The following DCX variants were observed in gnomAD, a reference collection of about 807,000 sequenced individuals.
The protein encoded by DCX is doublecortin, also known as neuronal migration protein doublecortin.
In DCX, 4 loss-of-function variants were observed where a neutral mutation model predicts 20.9. That is an observed-to-expected ratio of 0.19 (90% CI 0.09 to 0.44). The LOEUF (loss-of-function observed/expected upper bound fraction) is 0.44. DCX is among the 20% of genes least tolerant of loss of function. DCX has a pLI of 0.99. For synonymous variants in DCX, 103 were observed against 111.4 expected (o/e 0.92, Z 0.47); for missense variants, 133 against 296.9 (o/e 0.45, Z 4.06).
intron 3 of DCX, among the ~76,000 whole-genome samples, chrX:111,369,317 C>A (rs1437174652): frequency 9.0e-6 from 1 of 111,154 alleles, no homozygotes; most frequent in Non-Finnish European, 1.9e-5. Flanking sequence ...TCAGTATTAA[C>A]CATCACATAC....
At chrX:111,325,502 C>A (rs2095097666) in intron 5 of DCX, among the ~76,000 whole-genome samples, 1 of 111,730 alleles carries the variant, frequency 9.0e-6, no homozygotes, top group Non-Finnish European at 1.9e-5. Context: ...ATTCATAGTG[C>A]AATTATGAGG....
Position 111,299,496 on chromosome X carries a change from A to C in DCX, c.*2191T>G, listed in dbSNP as rs1230136264. The C allele has an allele frequency of 1.8e-5, 2 of 111,321 alleles. No individual in the cohort carries two copies. The highest frequency in any genetic ancestry group is 3.8e-5 in the Non-Finnish European group (2 of 53,107). The allele number at this position is 111,321 out of a possible 1,213,427, so 9.2% of individuals were successfully genotyped here. A position where few individuals can be genotyped will look rare whatever the true frequency, so the allele number is the denominator to read the frequency against. ...CAACTTAAAATAAAGGTGATGGACT[A>C]AATGAGACCTAAAGTGAGACTATGG... On this transcript the variant is annotated 3_prime_UTR_variant, in exon 7 of 7. Coordinates refer to ENST00000636035, the MANE Select transcript of DCX (RefSeq NM_001195553.2).
chrX:111,340,791 C>A lies in DCX; in HGVS notation c.706-7638G>T, dbSNP rs141220486. On this transcript the variant is annotated intron_variant, in intron 3 of 6. Coordinates refer to ENST00000636035, the MANE Select transcript of DCX (RefSeq NM_001195553.2). ...AGACAGCTACCCTACAGAAGAGGGA[C>A]CTGACCATTGAAAGAAAAACAAACA... Among the ~76,000 whole-genome samples the A allele has an allele frequency of 3.2e-4, 36 of 111,238 alleles. No homozygotes were observed. The East Asian group carries it at 9.7e-3, about 30-fold the overall frequency.
chrX:111,303,119 T>G (rs1378378633), intron 6 of DCX, among the ~76,000 whole-genome samples: 6 of 107,260 alleles, frequency 5.6e-5, no homozygotes, highest in Non-Finnish European at 7.7e-5. Context: ...ACAGAGTCCC[T>G]CTCTGTCACC....
chrX:111,301,467 T>C lies in DCX; in HGVS notation c.*220A>G. 1 of 454,326 alleles carries C rather than the reference T, an allele frequency of 2.2e-6. No individual in the cohort carries two copies. The highest frequency in any genetic ancestry group is 4.0e-6 in the Non-Finnish European group (1 of 253,086). 37.4% of individuals were successfully genotyped at this position (454,326 alleles called of 1,213,427 possible). ...GGAATGCTGCCCCAAAGGATGGTTA[T>C]CAATCTATCTCTCATAATTGGTAAC... On this transcript the variant is annotated 3_prime_UTR_variant, in exon 7 of 7. Coordinates refer to ENST00000636035, the MANE Select transcript of DCX (RefSeq NM_001195553.2).
chrX:111,321,606 C>G (rs1033885939), intron 5 of DCX, among the ~76,000 whole-genome samples: 1 of 110,907 alleles, frequency 9.0e-6, no homozygotes, highest in Non-Finnish European at 1.9e-5. Context: ...AGGTTAGTTC[C>G]CAAAGAACAA....
chrX:111,347,657 T>C (rs1922948944), intron 3 of DCX, among the ~76,000 whole-genome samples: 1 of 111,883 alleles, frequency 8.9e-6, no homozygotes, highest in African/African-American at 3.2e-5. Context: ...GACGCCCGTC[T>C]GATCCTCCAG....
Position 111,368,901 on chromosome X carries a change from T to TATACACACACAC in DCX, c.705+32088_705+32089insGTGTGTGTGTAT, listed in dbSNP as rs1467693516. ...CTAATACGGGATATATATATATACA[T>TATACACACACAC]ACACACACACACACACACACACACA... On this transcript the variant is annotated intron_variant, in intron 3 of 6. Coordinates refer to ENST00000636035, the MANE Select transcript of DCX (RefSeq NM_001195553.2). Among the ~76,000 whole-genome samples, 604 of 98,264 alleles carry TATACACACACAC rather than the reference T, an allele frequency of 6.1e-3. 6 individuals are homozygous for TATACACACACAC. Among genetic ancestry groups the TATACACACACAC allele is most frequent in the African/African-American group, 0.021 (564 of 26,501 alleles). The allele number at this position is 98,264 out of a possible 115,157, so 85.3% of individuals were successfully genotyped here. A position where few individuals can be genotyped will look rare whatever the true frequency, so the allele number is the denominator to read the frequency against.
At chrX:111,402,612 T>C (rs1033231780) in intron 2 of DCX, among the ~76,000 whole-genome samples, 15 of 111,881 alleles carry the variant, frequency 1.3e-4, no homozygotes, top group Non-Finnish European at 2.4e-4. Context: ...AAACACCAGG[T>C]TGATAATTCA....
rs1346364301 is a variant in DCX at position 111,324,728 on chromosome X, G to A, written c.946+6176C>T. On this transcript the variant is annotated intron_variant, in intron 5 of 6. Transcript: ENST00000636035. ...GTAAATATATTTTTAAAATTTACAT[G>A]TATACTGGTTACCCAAATAAATCAT... Among the ~76,000 whole-genome samples the A allele has an allele frequency of 2.7e-5, 3 of 112,244 alleles. No homozygotes were observed. The East Asian group carries it at 8.4e-4, about 31-fold the overall frequency.
At chrX:111,408,479 G>A (rs1928381156) in intron 2 of DCX, among the ~76,000 whole-genome samples, 1 of 109,915 alleles carries the variant, frequency 9.1e-6, no homozygotes. Context: ...AATTAGCCAG[G>A]CATGGTGGCA....
chrX:111,331,394 A>G (rs902834874), intron 4 of DCX, among the ~76,000 whole-genome samples: 4 of 112,274 alleles, frequency 3.6e-5, no homozygotes, highest in African/African-American at 1.3e-4. Context: ...ATTTCCCTGA[A>G]TTAGAGATTA....
In DCX at chrX:111,299,769, C is replaced by T. The variant is rs771255726; in HGVS notation, c.*1918G>A. ...GAGATCCTCATCATTTGGGGTTCTTCAATTTCACCAGAAACCAGTACTACC... is the reference window on the plus strand; with the variant it reads ...GAGATCCTCATCATTTGGGGTTCTTTAATTTCACCAGAAACCAGTACTACC... On this transcript the variant is annotated 3_prime_UTR_variant, in exon 7 of 7. Coordinates refer to ENST00000636035, the MANE Select transcript of DCX (RefSeq NM_001195553.2). The T allele has an allele frequency of 4.5e-5, 5 of 111,486 alleles. No homozygotes were observed. The highest frequency in any genetic ancestry group is 7.7e-4 in the South Asian group (2 of 2,612). 9.2% of individuals were successfully genotyped at this position (111,486 alleles called of 1,213,427 possible).
At chrX:111,332,180 T>C (rs1035089841) in intron 4 of DCX, among the ~76,000 whole-genome samples, 32 of 112,513 alleles carry the variant, frequency 2.8e-4, no homozygotes, top group African/African-American at 1.0e-3. Flanking sequence ...CTTGTTTTGG[T>C]TGGTGACCTT....
chrX:111,302,841 T>G (rs2095036993), intron 6 of DCX, among the ~76,000 whole-genome samples: 1 of 111,929 alleles, frequency 8.9e-6, no homozygotes, highest in Non-Finnish European at 1.9e-5. Flanking sequence ...TATTTTATAT[T>G]CTCTAAATAA....
intron 6 of DCX, among the ~76,000 whole-genome samples, chrX:111,304,210 A>C (rs1272334318): frequency 8.9e-6 from 1 of 112,339 alleles, no homozygotes. Flanking sequence ...GAACATAGTC[A>C]AAAGTATTTT....
chrX:111,312,511 C>T, intron 6 of DCX, 128 bp downstream of exon 6: 3 of 601,962 alleles, frequency 5.0e-6, no homozygotes, highest in South Asian at 5.5e-5. Flanking sequence ...GAACTTCAAG[C>T]TAATGAAGCC....
intron 6 of DCX, among the ~76,000 whole-genome samples, chrX:111,302,409 C>T (rs58754069): frequency 0.024 from 2,657 of 111,851 alleles, 81 homozygotes; most frequent in African/African-American, 0.082. Context: ...CATAAACGCT[C>T]CTGTACTGTA....
At chrX:111,331,114 G>T in intron 4 of DCX, 73 bp from the exon 5 acceptor site, 4 of 1,130,135 alleles carry the variant, frequency 3.5e-6, no homozygotes, top group Non-Finnish European at 4.8e-6. Flanking sequence ...TCTGGAAACC[G>T]CAATAACCAT....
Sources: allele counts gnomAD v4.1 joint callset (sites outside exome capture counted in the v4.1 genomes callset), GRCh38; gene constraint gnomAD v4.1.1; transcripts MANE v1.5; gene names NCBI Gene and HGNC (gene_info 2026-07-23, HGNC 2026-07-21).